METTL24: variants seen among roughly 807,000 people sequenced by gnomAD.
METTL24 encodes probable methyltransferase-like protein 24.
In METTL24, 29 loss-of-function variants were observed where a neutral mutation model predicts 32.7. That is an observed-to-expected ratio of 0.89 (90% CI 0.66 to 1.21). METTL24 has a LOEUF of 1.21. Among genes scored for constraint, METTL24 ranks in the 50% most tolerant of loss-of-function variants. The pLI is 0.00. For synonymous variants in METTL24, 163 were observed against 179.5 expected (o/e 0.91, Z 0.73); for missense variants, 439 against 468.1 (o/e 0.94, Z 0.57).
chr6:110,295,734 G>T, intron 4 of METTL24, among the ~76,000 whole-genome samples: 1 of 150,056 alleles, frequency 6.7e-6, no homozygotes, highest in Non-Finnish European at 1.5e-5. Context: ...GGAACTAGGT[G>T]GTTAGCAACT....
intron 4 of METTL24, among the ~76,000 whole-genome samples, chr6:110,248,452 T>C (rs535156233): frequency 6.6e-6 from 1 of 152,354 alleles, no homozygotes; most frequent in East Asian, 1.9e-4. Context: ...GAAAAAGTGA[T>C]GGTAATACCC....
chr6:110,331,641 C>T (rs1363255172), intron 1 of METTL24, among the ~76,000 whole-genome samples: 2 of 94,802 alleles, frequency 2.1e-5, no homozygotes, highest in African/African-American at 9.1e-5. Context: ...GCCTGTCTGA[C>T]AAAGTGAGAC....
intron 3 of METTL24, among the ~76,000 whole-genome samples, chr6:110,311,765 C>T (rs781735378): frequency 3.3e-5 from 5 of 152,132 alleles, no homozygotes; most frequent in African/African-American, 1.2e-4. Context: ...TGGGCTTGAG[C>T]AGTGGGCATG....
intron 4 of METTL24, among the ~76,000 whole-genome samples, chr6:110,260,653 C>A (rs1423757703): frequency 6.6e-6 from 1 of 152,110 alleles, no homozygotes; most frequent in Non-Finnish European, 1.5e-5. Flanking sequence ...AACTCCAAGA[C>A]ACATAATCGT....
At chr6:110,346,655 C>A (rs1311744356) in intron 1 of METTL24, among the ~76,000 whole-genome samples, 1 of 152,232 alleles carries the variant, frequency 6.6e-6, no homozygotes, top group East Asian at 1.9e-4. Flanking sequence ...CAGGCATGTG[C>A]CATCACGCCC....
intron 1 of METTL24, among the ~76,000 whole-genome samples, chr6:110,347,218 T>G (rs1428537751): frequency 6.6e-6 from 1 of 152,234 alleles, no homozygotes; most frequent in Non-Finnish European, 1.5e-5. Flanking sequence ...GCCTGGATTT[T>G]AAGTTTAAAC....
intron 1 of METTL24, among the ~76,000 whole-genome samples, chr6:110,340,010 C>T (rs937553388): frequency 1.3e-5 from 2 of 152,288 alleles, no homozygotes; most frequent in South Asian, 4.1e-4. Context: ...AATTTTCCCA[C>T]CTTTAAAGAC....
At chr6:110,263,697 G>A (rs1373823103) in intron 4 of METTL24, among the ~76,000 whole-genome samples, 18 of 152,124 alleles carry the variant, frequency 1.2e-4, no homozygotes, top group Non-Finnish European at 1.9e-4. Flanking sequence ...AGCTGGAGGC[G>A]TCACGCTACC....
At chr6:110,345,996 T>A (rs1015578018) in intron 1 of METTL24, among the ~76,000 whole-genome samples, 1 of 152,212 alleles carries the variant, frequency 6.6e-6, no homozygotes, top group Non-Finnish European at 1.5e-5. Context: ...ATTACAAATG[T>A]TCATCTGTAG....
chr6:110,291,168 T>C (rs1343594807), intron 4 of METTL24, among the ~76,000 whole-genome samples: 2 of 152,192 alleles, frequency 1.3e-5, no homozygotes, highest in Non-Finnish European at 2.9e-5. Flanking sequence ...CAATGTCTTT[T>C]GATGAGCAGA....
intron 4 of METTL24, among the ~76,000 whole-genome samples, chr6:110,255,879 C>T (rs1342951096): frequency 6.6e-6 from 1 of 151,956 alleles, no homozygotes; most frequent in South Asian, 2.1e-4. Flanking sequence ...ACTGGGTCAA[C>T]CTCAGAGCAT....
At chr6:110,280,324 C>T (rs751948636) in intron 4 of METTL24, among the ~76,000 whole-genome samples, 4 of 152,084 alleles carry the variant, frequency 2.6e-5, no homozygotes, top group African/African-American at 4.8e-5. Context: ...GGGCCCTTAA[C>T]GAATTATCTT....
intron 1 of METTL24, among the ~76,000 whole-genome samples, chr6:110,346,456 C>T (rs950074758): frequency 6.6e-6 from 1 of 150,942 alleles, no homozygotes; most frequent in African/African-American, 2.4e-5. Flanking sequence ...TCAGGTGATA[C>T]AGTGTAATAA....
chr6:110,280,155 C>A (rs1771112783), intron 4 of METTL24, among the ~76,000 whole-genome samples: 1 of 152,152 alleles, frequency 6.6e-6, no homozygotes, highest in South Asian at 2.1e-4. Context: ...CAGGCCCTAC[C>A]TCCAACATTT....
intron 4 of METTL24, among the ~76,000 whole-genome samples, chr6:110,256,394 A>T (rs180998439): frequency 1.3e-3 from 192 of 152,272 alleles, no homozygotes; most frequent in African/African-American, 4.5e-3. Context: ...AGTCAACTTG[A>T]TGTCCTCCAT....
At chr6:110,285,233 A>G (rs1055644406) in intron 4 of METTL24, among the ~76,000 whole-genome samples, 1 of 152,206 alleles carries the variant, frequency 6.6e-6, no homozygotes, top group South Asian at 2.1e-4. Context: ...TTTTAAAGAG[A>G]AGTTCTTGTA....
At chr6:110,262,442 C>G (rs1169552010) in intron 4 of METTL24, among the ~76,000 whole-genome samples, 4 of 152,050 alleles carry the variant, frequency 2.6e-5, no homozygotes, top group Non-Finnish European at 5.9e-5. Flanking sequence ...CTGAATAGAC[C>G]AATAACAGGC....
At chr6:110,356,038 A>T (rs1772690332) in intron 1 of METTL24, among the ~76,000 whole-genome samples, 1 of 152,238 alleles carries the variant, frequency 6.6e-6, no homozygotes, top group Admixed American at 6.5e-5. Flanking sequence ...CAGCAGAAAC[A>T]ACAGATGCTG....
chr6:110,292,869 A>G (rs1011189859), intron 4 of METTL24, among the ~76,000 whole-genome samples: 1 of 152,042 alleles, frequency 6.6e-6, no homozygotes, highest in African/African-American at 2.4e-5. Flanking sequence ...TCTTTTCTCT[A>G]TGATTTGAGA....
Sources: allele counts gnomAD v4.1 joint callset (sites outside exome capture counted in the v4.1 genomes callset), GRCh38; gene constraint gnomAD v4.1.1; transcripts MANE v1.5; gene names NCBI Gene and HGNC (gene_info 2026-07-23, HGNC 2026-07-21).